Variants in RNGTT observed in about 807,000 individuals in gnomAD.
RNGTT encodes mRNA-capping enzyme.
A neutral mutation model predicts 79.3 loss-of-function variants in RNGTT; 33 were observed. The observed-to-expected ratio is 0.42, with a 90% CI of 0.32 to 0.56. The LOEUF (loss-of-function observed/expected upper bound fraction) is 0.56. Ranked by LOEUF, RNGTT falls within the 20% of genes least tolerant of loss-of-function variation. RNGTT has a pLI of 0.17. For synonymous variants in RNGTT, 222 were observed against 235.9 expected, an observed-to-expected ratio of 0.94 and a Z score of 0.54; for missense variants, 497 against 739.1, an observed-to-expected ratio of 0.67 and a Z score of 3.80.
intron 12 of RNGTT, among the ~76,000 whole-genome samples, chr6:88,795,115 T>C (rs1779553390): frequency 1.3e-5 from 2 of 152,238 alleles, no homozygotes; most frequent in Admixed American, 1.3e-4. Flanking sequence ...GAGGAATAGT[T>C]ATTTAATGCA....
intron 14 of RNGTT, 101 bp from the exon 15 acceptor site, chr6:88,614,496 T>TA (rs1772148900): frequency 9.2e-7 from 1 of 1,087,712 alleles, no homozygotes; most frequent in African/African-American, 1.6e-5. Context: ...AATACCTCAG[T>TA]AACTCTTCAT....
intron 4 of RNGTT, among the ~76,000 whole-genome samples, chr6:88,915,731 A>C (rs1047111532): frequency 8.5e-5 from 13 of 152,214 alleles, no homozygotes; most frequent in African/African-American, 2.9e-4. Flanking sequence ...ATATACCCTT[A>C]TAACAACCTG....
intron 4 of RNGTT, among the ~76,000 whole-genome samples, chr6:88,906,824 C>T (rs1163692904): frequency 6.6e-6 from 1 of 151,966 alleles, no homozygotes; most frequent in Non-Finnish European, 1.5e-5. Context: ...TTAAATTTCT[C>T]TAGTAGAAAA....
chr6:88,660,553 A>AAAAAAAAAAAG (rs1468178100), intron 14 of RNGTT, among the ~76,000 whole-genome samples: 1 of 152,086 alleles, frequency 6.6e-6, no homozygotes, highest in African/African-American at 2.4e-5. Flanking sequence ...CAATGGTAAA[A>AAAAAAAAAAAG]AAAAAGAAAG....
At chr6:88,667,678 C>T (rs146911949) in intron 14 of RNGTT, among the ~76,000 whole-genome samples, 34 of 152,290 alleles carry the variant, frequency 2.2e-4, no homozygotes, top group African/African-American at 7.0e-4. Context: ...ACTGCCCTTA[C>T]GGATTGGCTC....
intron 14 of RNGTT, among the ~76,000 whole-genome samples, chr6:88,616,079 C>T (rs868170062): frequency 6.6e-6 from 1 of 152,178 alleles, no homozygotes; most frequent in Non-Finnish European, 1.5e-5. Flanking sequence ...ATACTTCATA[C>T]GAGTATTAAC....
Position 88,878,229 on chromosome 6 carries a change from A to T in RNGTT, c.896+12266T>A, listed in dbSNP as rs562139897. ...TCGTGTCTCAGCCTCCCAGGTAGCT[A>T]GGATTACAGATGCAAGCCACCACAC... On this transcript the variant is annotated intron_variant, in intron 8 of 15. Transcript: ENST00000369485. Among the ~76,000 whole-genome samples the T allele has an allele frequency of 2.1e-3, 312 of 151,946 alleles. 2 individuals are homozygous for T. Among genetic ancestry groups the T allele is most frequent in the African/African-American group, 6.8e-3 (280 of 41,440 alleles).
chr6:88,789,103 A>G (rs1488847457), intron 12 of RNGTT, among the ~76,000 whole-genome samples: 1 of 152,164 alleles, frequency 6.6e-6, no homozygotes, highest in Non-Finnish European at 1.5e-5. Flanking sequence ...ACTATTCTTC[A>G]ATAACTTGCT....
intron 14 of RNGTT, among the ~76,000 whole-genome samples, chr6:88,632,797 G>A (rs1772950848): frequency 6.6e-6 from 1 of 152,160 alleles, no homozygotes; most frequent in Admixed American, 6.5e-5. Context: ...TTCTAGTCTA[G>A]TATAATTCTA....
intron 11 of RNGTT, among the ~76,000 whole-genome samples, chr6:88,826,724 G>A (rs570267195): frequency 6.7e-5 from 10 of 148,920 alleles, no homozygotes; most frequent in African/African-American, 2.2e-4. Flanking sequence ...CAGAGGTTGC[G>A]ATGAGCCAAT....
chr6:88,857,901 A>T (rs1374658021), intron 8 of RNGTT, among the ~76,000 whole-genome samples: 4 of 152,186 alleles, frequency 2.6e-5, no homozygotes, highest in African/African-American at 9.6e-5. Flanking sequence ...GCTTTTAGAC[A>T]CAGGGGGCAA....
chr6:88,612,641 TTC>T lies in RNGTT; in HGVS notation c.*76_*77del. 7.1e-7 allele frequency: 1 copy of T among 1,414,458 alleles called. No homozygotes were observed. Among genetic ancestry groups the T allele is most frequent in the Non-Finnish European group, 9.6e-7 (1 of 1,042,602 alleles). The allele number at this position is 1,414,458 out of a possible 1,614,324, so 87.6% of individuals were successfully genotyped here. A position where few individuals can be genotyped will look rare whatever the true frequency, so the allele number is the denominator to read the frequency against. On this transcript the variant is annotated 3_prime_UTR_variant, in exon 16 of 16. Transcript: ENST00000369485. ...CATCAAGCCACAGTCGTTTTTCAAT[TTC>T]TCTGGCTACAAAAATGGGCAACAGC...
chr6:88,890,458 G>A lies in RNGTT; in HGVS notation c.896+37C>T, dbSNP rs766056250. 1.0e-5 allele frequency: 13 copies of A among 1,265,882 alleles called. 1 individual carries two copies. The South Asian group carries it at 1.5e-4, about 14-fold the overall frequency. The allele number at this position is 1,265,882 out of a possible 1,614,324, so 78.4% of individuals were successfully genotyped here. On this transcript the variant is annotated intron_variant, in intron 8 of 15. Coordinates refer to ENST00000369485, the MANE Select transcript of RNGTT (RefSeq NM_003800.5). ...ATAAAACAATATTCTTCAAGCATTA[G>A]GGTTATTTGTGTAATTTTTTTAGAA...
At chr6:88,852,342 C>A (rs1423754600) in intron 9 of RNGTT, among the ~76,000 whole-genome samples, 3 of 152,040 alleles carry the variant, frequency 2.0e-5, no homozygotes, top group Admixed American at 6.6e-5. Flanking sequence ...AATGCTATTA[C>A]TTAAGTCTTT....
intron 4 of RNGTT, among the ~76,000 whole-genome samples, chr6:88,919,856 A>G (rs1420903194): frequency 6.6e-6 from 1 of 151,732 alleles, no homozygotes; most frequent in African/African-American, 2.4e-5. Flanking sequence ...ACGCCTGGCT[A>G]ATTTTGTATT....
intron 11 of RNGTT, among the ~76,000 whole-genome samples, chr6:88,817,199 A>C (rs767534528): frequency 3.2e-4 from 49 of 152,200 alleles, no homozygotes; most frequent in Non-Finnish European, 6.3e-4. Flanking sequence ...TCAGACAGCA[A>C]AAAGGAATAT....
At chr6:88,656,700 T>C (rs1194327032) in intron 14 of RNGTT, among the ~76,000 whole-genome samples, 1 of 151,844 alleles carries the variant, frequency 6.6e-6, no homozygotes, top group Non-Finnish European at 1.5e-5. Flanking sequence ...GAGTAGAGTC[T>C]CTGCCTTGGG....
intron 11 of RNGTT, among the ~76,000 whole-genome samples, chr6:88,841,446 T>C (rs1181918353): frequency 6.6e-6 from 1 of 152,124 alleles, no homozygotes; most frequent in African/African-American, 2.4e-5. Context: ...TAAAACATGA[T>C]TGCATATGTT....
intron 13 of RNGTT, among the ~76,000 whole-genome samples, chr6:88,719,559 T>A (rs1474802817): frequency 6.6e-6 from 1 of 152,222 alleles, no homozygotes; most frequent in African/African-American, 2.4e-5. Context: ...ACAAATACTT[T>A]ACATATTTAT....
Sources: gnomAD v4.1 joint callset for allele counts (sites outside exome capture counted in the v4.1 genomes callset) on GRCh38, gnomAD v4.1.1 for gene constraint, MANE v1.5 for transcripts, NCBI Gene and HGNC (gene_info 2026-07-23, HGNC 2026-07-21) for gene names.